PLLP: variants seen among roughly 807,000 people sequenced by gnomAD.
PLLP encodes plasma membrane proteolipid (plasmolipin).
Under a neutral mutation model 19.7 loss-of-function variants are expected in PLLP, and 15 were observed. That is an observed-to-expected ratio of 0.76 (90% CI 0.51 to 1.17). The LOEUF (loss-of-function observed/expected upper bound fraction) is 1.17, where lower values mean the gene tolerates loss of function less well. Ranked by LOEUF, PLLP falls within the 50% of genes most tolerant of loss-of-function variation. PLLP has a pLI of 0.00. For synonymous variants in PLLP, 111 were observed against 116.3 expected (o/e 0.95, Z 0.29); for missense variants, 255 against 258.3 (o/e 0.99, Z 0.09).
In PLLP at chr16:57,256,877, G is replaced by A. The variant is rs759448032; in HGVS notation, c.*36C>T. On this transcript the variant is annotated 3_prime_UTR_variant, in exon 4 of 4. Coordinates refer to ENST00000219207, the MANE Select transcript of PLLP (RefSeq NM_015993.3). ...TGACCCTGCTCTGTGACCCAGCGGC[G>A]GCTTCAGCCCCAGAGGGGGCCGTGG... 25 of 1,421,220 alleles carry A rather than the reference G, an allele frequency of 1.8e-5. No individual in the cohort carries two copies. In the African/African-American group the frequency reaches 2.7e-4, roughly 15 times the overall value. The allele number at this position is 1,421,220 out of a possible 1,614,324, so 88.0% of individuals were successfully genotyped here.
At chr16:57,281,517 C>CTTTTTTTTTTTTTTTTTTTT (rs771314004) in intron 1 of PLLP, among the ~76,000 whole-genome samples, 3 of 130,142 alleles carry the variant, frequency 2.3e-5, no homozygotes, top group African/African-American at 6.2e-5. Flanking sequence ...TTTTTTATTT[C>CTTTTTTTTTTTTTTTTTTTT]TTTTTTTTTT....
chr16:57,281,793 G>A (rs1268258057), intron 1 of PLLP, among the ~76,000 whole-genome samples: 3 of 152,082 alleles, frequency 2.0e-5, no homozygotes, highest in East Asian at 3.9e-4. Flanking sequence ...TTACAGGCGT[G>A]AGCCACCACA....
intron 2 of PLLP, 87 bp downstream of exon 2, chr16:57,261,810 G>C: frequency 1.6e-6 from 2 of 1,242,020 alleles, no homozygotes; most frequent in Non-Finnish European, 2.3e-6. Flanking sequence ...AGGATGTCAG[G>C]CCACCCCCCC....
chr16:57,275,093 T>TCACACACACACA lies in PLLP; in HGVS notation c.135+9301_135+9312dup, dbSNP rs60029615. ...TTTCTTATGTGTGTCTCCAGGGACT[T>TCACACACACACA]CACACACACACACACACACACACAC... On this transcript the variant is annotated intron_variant, in intron 1 of 3. Coordinates refer to ENST00000219207, the MANE Select transcript of PLLP (RefSeq NM_015993.3). Among the ~76,000 whole-genome samples the TCACACACACACA allele has an allele frequency of 9.5e-3, 1,156 of 121,404 alleles. 18 individuals carry two copies. Among genetic ancestry groups the TCACACACACACA allele is most frequent in the African/African-American group, 0.033 (1,075 of 32,686 alleles). The allele number at this position is 121,404 out of a possible 152,430, so 79.6% of individuals were successfully genotyped here.
chr16:57,275,093 T>TCACACACACACACACA (rs60029615), intron 1 of PLLP, among the ~76,000 whole-genome samples: 31 of 121,444 alleles, frequency 2.6e-4, no homozygotes, highest in African/African-American at 9.5e-4. Context: ...TCCAGGGACT[T>TCACACACACACACACA]CACACACACA....
Position 57,261,819 on chromosome 16 carries a change from C to G in PLLP, c.309+78G>C, listed in dbSNP as rs200312722. 1.9e-5 allele frequency: 26 copies of G among 1,351,390 alleles called. No individual in the cohort carries two copies. The East Asian group carries it at 6.0e-4, about 31-fold the overall frequency. The allele number at this position is 1,351,390 out of a possible 1,614,324, so 83.7% of individuals were successfully genotyped here. A position where few individuals can be genotyped will look rare whatever the true frequency, so the allele number is the denominator to read the frequency against. On this transcript the variant is annotated intron_variant, in intron 2 of 3. Transcript: ENST00000219207. ...TCAGTGAGGATGTCAGGCCACCCCC[C>G]CACACCCTGCCACTTCTTCTAGGGA...
intron 1 of PLLP, among the ~76,000 whole-genome samples, chr16:57,270,064 T>C (rs1307382403): frequency 6.6e-6 from 1 of 152,136 alleles, no homozygotes; most frequent in Non-Finnish European, 1.5e-5. Flanking sequence ...CCACTGCACC[T>C]GGCAAAAATC....
chr16:57,266,207 C>T (rs997740126), intron 1 of PLLP, among the ~76,000 whole-genome samples: 10 of 152,130 alleles, frequency 6.6e-5, no homozygotes, highest in Admixed American at 2.0e-4. Context: ...ATCCCTGCCC[C>T]GCCCTGTGCT....
chr16:57,268,748 G>A (rs1051435455), intron 1 of PLLP, among the ~76,000 whole-genome samples: 8 of 152,158 alleles, frequency 5.3e-5, no homozygotes, highest in African/African-American at 1.9e-4. Flanking sequence ...TGGGCCCTAG[G>A]GTAGTTTTGA....
chr16:57,273,191 C>A (rs1239677760), intron 1 of PLLP, among the ~76,000 whole-genome samples: 1 of 150,812 alleles, frequency 6.6e-6, no homozygotes, highest in African/African-American at 2.4e-5. Context: ...ACTCGGGAGG[C>A]GGAGCTTGCA....
intron 1 of PLLP, among the ~76,000 whole-genome samples, chr16:57,276,370 T>C (rs917122579): frequency 6.6e-6 from 1 of 152,150 alleles, no homozygotes; most frequent in African/African-American, 2.4e-5. Flanking sequence ...AGCAGGCAGA[T>C]CACCTGAGGT....
In PLLP at chr16:57,256,669, C is replaced by G. The variant is rs2075426590; in HGVS notation, c.*244G>C. The G allele has an allele frequency of 4.1e-6, 2 of 491,602 alleles. No homozygotes were observed. The highest frequency in any genetic ancestry group is 1.9e-5 in the African/African-American group (1 of 51,636). The allele number at this position is 491,602 out of a possible 1,614,324, so 30.5% of individuals were successfully genotyped here. On this transcript the variant is annotated 3_prime_UTR_variant, in exon 4 of 4. Coordinates refer to ENST00000219207, the MANE Select transcript of PLLP (RefSeq NM_015993.3). ...ACAGCCTCAGATCCCCCGTCATCTT[C>G]CACTGAATAAGGGGGATGGAGAAGA...
chr16:57,281,517 C>CTTTTTTTTTTTTTTTTTTT (rs771314004), intron 1 of PLLP, among the ~76,000 whole-genome samples: 2 of 130,142 alleles, frequency 1.5e-5, no homozygotes, highest in African/African-American at 6.2e-5. Context: ...TTTTTTATTT[C>CTTTTTTTTTTTTTTTTTTT]TTTTTTTTTT....
At chr16:57,281,566 C>T (rs1351769148) in intron 1 of PLLP, among the ~76,000 whole-genome samples, 4 of 143,964 alleles carry the variant, frequency 2.8e-5, no homozygotes, top group African/African-American at 7.9e-5. Flanking sequence ...GCTGGAGTGC[C>T]GTGGCGCCAT....
At chr16:57,266,382 TGCA>T (rs2075457381) in intron 1 of PLLP, among the ~76,000 whole-genome samples, 2 of 152,240 alleles carry the variant, frequency 1.3e-5, no homozygotes, top group Admixed American at 6.5e-5. Context: ...GGTTCGTTCC[TGCA>T]TTTGAACCAG....
At chr16:57,271,246 C>T (rs2075474283) in intron 1 of PLLP, among the ~76,000 whole-genome samples, 1 of 152,178 alleles carries the variant, frequency 6.6e-6, no homozygotes, top group Non-Finnish European at 1.5e-5. Context: ...GGTCCTGCAG[C>T]CCCCACGTGT....
chr16:57,265,561 T>C (rs1362009822), intron 1 of PLLP, among the ~76,000 whole-genome samples: 1 of 152,228 alleles, frequency 6.6e-6, no homozygotes, highest in Admixed American at 6.5e-5. Flanking sequence ...CAATCACCTG[T>C]CCCATGACTC....
intron 3 of PLLP, among the ~76,000 whole-genome samples, chr16:57,257,739 G>T (rs2146436822): frequency 6.6e-6 from 1 of 152,324 alleles, no homozygotes; most frequent in East Asian, 1.9e-4. Flanking sequence ...TGGGTTTCAT[G>T]GGAGAGCCTA....
Position 57,270,115 on chromosome 16 carries a change from A to G in PLLP, c.136-8045T>C, listed in dbSNP as rs79327369. Among the ~76,000 whole-genome samples the G allele has an allele frequency of 1.9e-3, 289 of 152,260 alleles. 6 individuals carry two copies. In the East Asian group the frequency reaches 0.05, roughly 26 times the overall value. On this transcript the variant is annotated intron_variant, in intron 1 of 3. Transcript: ENST00000219207. ...GGTGACTGAACCAAAGGTTTTTAGAAACAACGTAACGGCCAAAGGGGCCAA... is the reference window on the plus strand; with the variant it reads ...GGTGACTGAACCAAAGGTTTTTAGAGACAACGTAACGGCCAAAGGGGCCAA...
Sources: gnomAD v4.1 joint callset for allele counts (sites outside exome capture counted in the v4.1 genomes callset) on GRCh38, gnomAD v4.1.1 for gene constraint, MANE v1.5 for transcripts, NCBI Gene and HGNC (gene_info 2026-07-23, HGNC 2026-07-21) for gene names.